PATJ: variants seen among roughly 807,000 people sequenced by gnomAD.
The protein encoded by PATJ is PATJ crumbs cell polarity complex component, also known as inaD-like protein.
Under a neutral mutation model 224.9 loss-of-function variants are expected in PATJ, and 190 were observed. The observed-to-expected ratio is 0.84, with a 90% CI of 0.75 to 0.95. The LOEUF (loss-of-function observed/expected upper bound fraction) is 0.95. PATJ is among the 40% of genes least tolerant of loss of function. The pLI is 0.00. For missense variants in PATJ, 2,121 were observed against 2,270.3 expected (o/e 0.93, Z 1.34); for synonymous variants, 769 against 820.3 (o/e 0.94, Z 1.07).
chr1:61,914,560 C>T, intron 25 of PATJ, 27 bp from the exon 26 acceptor site: 2 of 1,119,714 alleles, frequency 1.8e-6, no homozygotes, highest in Non-Finnish European at 2.6e-6. Flanking sequence ...CGTTTTCTTC[C>T]CCCCACCCCT....
At chr1:61,897,044 A>G (rs1050975037) in intron 22 of PATJ, among the ~76,000 whole-genome samples, 1 of 127,666 alleles carries the variant, frequency 7.8e-6, no homozygotes, top group Non-Finnish European at 1.7e-5. Context: ...ACGATGGCCT[A>G]TTAAGGTACT....
chr1:62,063,849 T>C (rs1453678596), intron 31 of PATJ, among the ~76,000 whole-genome samples: 1 of 152,228 alleles, frequency 6.6e-6, no homozygotes, highest in Admixed American at 6.5e-5. Flanking sequence ...TGTTCACTGA[T>C]TTTGTGTCTT....
intron 1 of PATJ, among the ~76,000 whole-genome samples, chr1:61,745,712 T>C (rs979037564): frequency 6.6e-5 from 10 of 151,582 alleles, no homozygotes; most frequent in Non-Finnish European, 1.5e-4. Context: ...CAAGCGCTTC[T>C]CTTGCCTCAG....
chr1:62,027,313 T>C (rs1420852872), intron 29 of PATJ, among the ~76,000 whole-genome samples: 1 of 152,244 alleles, frequency 6.6e-6, no homozygotes, highest in Non-Finnish European at 1.5e-5. Flanking sequence ...TTTTTAAGGC[T>C]GAATAACGTT....
intron 28 of PATJ, among the ~76,000 whole-genome samples, chr1:62,003,982 A>G (rs1390214380): frequency 6.6e-6 from 1 of 152,112 alleles, no homozygotes; most frequent in Non-Finnish European, 1.5e-5. Flanking sequence ...TGCCTTTCAT[A>G]TGCTTTTCCC....
chr1:62,137,523 C>A (rs79491055), intron 41 of PATJ, among the ~76,000 whole-genome samples: 25 of 1,084 alleles, frequency 0.023, no homozygotes, highest in African/African-American at 0.022. Context: ...GGGGGCACAG[C>A]AGTCTGAGGG....
chr1:61,871,486 T>C (rs1666519273), intron 20 of PATJ, among the ~76,000 whole-genome samples: 2 of 10,886 alleles, frequency 1.8e-4, no homozygotes, highest in Admixed American at 3.0e-3. Context: ...TATATATGTG[T>C]ATATATGTAT....
intron 39 of PATJ, among the ~76,000 whole-genome samples, chr1:62,125,236 C>CAAAAAAAAAAAAAAAAAAAAAAAAA (rs761278812): frequency 3.6e-5 from 1 of 27,748 alleles, no homozygotes; most frequent in Non-Finnish European, 6.8e-5. Flanking sequence ...AACCCTGTCT[C>CAAAAAAAAAAAAAAAAAAAAAAAAA]AAAAAAAAAA....
At chr1:62,137,408 G>A (rs991761672) in intron 41 of PATJ, among the ~76,000 whole-genome samples, 1 of 92,298 alleles carries the variant, frequency 1.1e-5, no homozygotes, top group Non-Finnish European at 2.2e-5. Context: ...AGAATGAGGG[G>A]GAACAGCAGC....
intron 1 of PATJ, among the ~76,000 whole-genome samples, chr1:61,756,465 A>G (rs2148234237): frequency 6.6e-6 from 1 of 151,148 alleles, no homozygotes; most frequent in South Asian, 2.1e-4. Context: ...GGACTCTGCA[A>G]TTTGTGTTTT....
intron 27 of PATJ, among the ~76,000 whole-genome samples, chr1:61,966,069 T>A (rs1682088491): frequency 6.6e-6 from 1 of 152,124 alleles, no homozygotes; most frequent in Non-Finnish European, 1.5e-5. Context: ...GCCCGGCTAA[T>A]TTTTGTATTT....
rs1371125782 is a variant in PATJ at position 61,864,223 on chromosome 1, A to T, written c.2440-15A>T. Reference sequence around the variant, plus strand: ...CAGGCGTAACTTCACATTTTTTTGCATCTTTTATTTATAGGGATTTAGAGA... The same window carrying T: ...CAGGCGTAACTTCACATTTTTTTGCTTCTTTTATTTATAGGGATTTAGAGA... On this transcript the variant is annotated splice_polypyrimidine_tract_variant and intron_variant, in intron 19 of 43. Coordinates refer to ENST00000642238, the MANE Select transcript of PATJ (RefSeq NM_001350145.3). The T allele has an allele frequency of 3.8e-6, 6 of 1,581,902 alleles. No individual in the cohort carries two copies. The Admixed American group carries it at 5.6e-5, about 15-fold the overall frequency.
At chr1:61,857,842 A>G (rs1407559725) in intron 18 of PATJ, among the ~76,000 whole-genome samples, 1 of 152,240 alleles carries the variant, frequency 6.6e-6, no homozygotes, top group Non-Finnish European at 1.5e-5. Context: ...TAGGTATACC[A>G]CTTCTCTAAG....
intron 27 of PATJ, among the ~76,000 whole-genome samples, chr1:61,976,132 C>G (rs116076164): frequency 6.6e-6 from 1 of 151,904 alleles, no homozygotes; most frequent in Admixed American, 6.6e-5. Context: ...CCATGTCTCG[C>G]CTTAAATTGT....
At chr1:62,143,234 A>G (rs1380339782) in intron 41 of PATJ, among the ~76,000 whole-genome samples, 1 of 152,138 alleles carries the variant, frequency 6.6e-6, no homozygotes, top group Non-Finnish European at 1.5e-5. Context: ...GCACACCAGT[A>G]TTTTCACTAT....
intron 28 of PATJ, among the ~76,000 whole-genome samples, chr1:61,998,360 AG>A (rs1645544757): frequency 6.6e-6 from 1 of 151,896 alleles, no homozygotes; most frequent in Non-Finnish European, 1.5e-5. Context: ...CTGGGATTAC[AG>A]GCGTGAGCCA....
Position 61,769,293 on chromosome 1 carries a change from T to C in PATJ, c.395T>C (p.Ile132Thr). Residue 132 changes from isoleucine (I) to threonine (T), a missense_variant, in exon 5 of 44, where the codon ATT (isoleucine) becomes ACT (threonine). By Grantham distance (89) the Ile-to-Thr change is moderately conservative. Coordinates refer to ENST00000642238, the MANE Select transcript of PATJ (RefSeq NM_001350145.3). ...VIQQMAQGRQ[I>T]EYIDIERPST... ...ACGCTCCTTCATTAGGGCCGGCAAA[T>C]TGAATATATAGATATAGAACGGCCT... 6.2e-7 allele frequency: 1 copy of C among 1,603,342 alleles called. No individual in the cohort carries two copies. The highest frequency in any genetic ancestry group is 8.5e-7 in the Non-Finnish European group (1 of 1,176,964).
intron 7 of PATJ, among the ~76,000 whole-genome samples, chr1:61,784,076 G>GT (rs1317670314): frequency 1.3e-5 from 2 of 152,170 alleles, no homozygotes; most frequent in Non-Finnish European, 2.9e-5. Flanking sequence ...TACATTCACT[G>GT]TAAGTGTGTG....
Position 61,932,273 on chromosome 1 carries a change from C to T in PATJ, c.3670+4444C>T, listed in dbSNP as rs562626885. Among the ~76,000 whole-genome samples, 8 of 152,148 alleles carry T rather than the reference C, an allele frequency of 5.3e-5. No homozygotes were observed. In the South Asian group the frequency reaches 1.7e-3, roughly 32 times the overall value. ...GTTTCCAGGTGATGCTGGTATTATA[C>T]TTCCGATCCAGAGACTACACTCTGA... On this transcript the variant is annotated intron_variant, in intron 27 of 43. Transcript: ENST00000642238.
Sources: gnomAD v4.1 joint callset for allele counts (sites outside exome capture counted in the v4.1 genomes callset) on GRCh38, gnomAD v4.1.1 for gene constraint, MANE v1.5 for transcripts, NCBI Gene and HGNC (gene_info 2026-07-23, HGNC 2026-07-21) for gene names.